Variants in GPR149 observed in about 807,000 individuals in gnomAD.
GPR149 encodes probable G protein-coupled receptor 149.
In GPR149, 50 loss-of-function variants were observed where a neutral mutation model predicts 50.2. The ratio of observed to expected loss-of-function variants is 1.00; its 90% CI spans 0.79 to 1.26. GPR149 has a LOEUF of 1.26. Ranked by LOEUF, GPR149 falls within the 50% of genes most tolerant of loss-of-function variation. The pLI is 0.00. For synonymous variants in GPR149, 405 were observed against 358.2 expected, an observed-to-expected ratio of 1.13 and a Z score of -1.48; for missense variants, 983 against 895.4, an observed-to-expected ratio of 1.10 and a Z score of -1.25.
chr3:154,381,520 C>T (rs1160639812), intron 3 of GPR149, among the ~76,000 whole-genome samples: 1 of 152,144 alleles, frequency 6.6e-6, no homozygotes, highest in East Asian at 1.9e-4. Context: ...CAAATTAATA[C>T]AGCTCTGTTA....
At chr3:154,358,855 G>C (rs1320726569) in intron 3 of GPR149, among the ~76,000 whole-genome samples, 5 of 152,110 alleles carry the variant, frequency 3.3e-5, no homozygotes, top group African/African-American at 1.2e-4. Flanking sequence ...CATGTCTTAT[G>C]TATTTGTGCA....
At chr3:154,365,212 G>T (rs1172859179) in intron 3 of GPR149, among the ~76,000 whole-genome samples, 2 of 152,178 alleles carry the variant, frequency 1.3e-5, no homozygotes, top group Admixed American at 1.3e-4. Flanking sequence ...GCTGGGAGCA[G>T]TTCACCAGAG....
intron 3 of GPR149, among the ~76,000 whole-genome samples, chr3:154,388,385 C>T (rs1053123193): frequency 1.3e-5 from 2 of 151,950 alleles, no homozygotes; most frequent in African/African-American, 2.4e-5. Context: ...TTTCCTTTTG[C>T]TTTTCCTAAG....
chr3:154,427,588 T>C lies in GPR149; in HGVS notation c.1102A>G (p.Thr368Ala). 6.2e-7 allele frequency: 1 copy of C among 1,614,174 alleles called. No homozygotes were observed. The highest frequency in any genetic ancestry group is 8.5e-7 in the Non-Finnish European group (1 of 1,180,022). ...TPVFVLSKRW[T>A]HLPCGCIINC... The stretch of plus-strand genomic sequence containing the variant: ...ATGATGCAGCCACAGGGCAAGTGGG[T>C]CCAGCGTTTGGACAAGACAAACACT... Residue 368 changes from threonine (T) to alanine (A), a missense_variant, in exon 2 of 4, where the codon ACC becomes GCC. Thr to Ala is a moderately conservative substitution (Grantham distance 58). Coordinates refer to ENST00000389740, the MANE Select transcript of GPR149 (RefSeq NM_001038705.3).
At chr3:154,420,894 A>G (rs1712121658) in intron 3 of GPR149, 145 bp downstream of exon 3, 1 of 635,138 alleles carries the variant, frequency 1.6e-6, no homozygotes, top group Non-Finnish European at 2.7e-6. Flanking sequence ...ACCTTGAAAT[A>G]AAATTAAATA....
rs544548280 is a variant in GPR149, at chr3:154,361,622, G to C, written c.1624-23351C>G. Among the ~76,000 whole-genome samples the C allele has an allele frequency of 3.5e-4, 54 of 152,202 alleles. 1 individual carries two copies. Among genetic ancestry groups the C allele is most frequent in the Middle Eastern group, 3.4e-3 (1 of 294 alleles). On this transcript the variant is annotated intron_variant, in intron 3 of 3. Coordinates refer to ENST00000389740, the MANE Select transcript of GPR149 (RefSeq NM_001038705.3). ...AAAGCTTTTGTTTTCAAAAATTTTG[G>C]ACCAGTACGGGGTGCTTTTTTTCTT...
intron 3 of GPR149, among the ~76,000 whole-genome samples, chr3:154,394,399 T>C (rs181585296): frequency 4.3e-4 from 65 of 151,984 alleles, no homozygotes; most frequent in Non-Finnish European, 7.5e-4. Context: ...CTCAAAATGG[T>C]TTAAGTGCTT....
intron 3 of GPR149, among the ~76,000 whole-genome samples, chr3:154,387,883 G>A (rs967471104): frequency 6.6e-6 from 1 of 152,028 alleles, no homozygotes; most frequent in Admixed American, 6.6e-5. Flanking sequence ...TACACGTCTT[G>A]TGAACCTCTA....
chr3:154,421,942 C>T (rs1417696152), intron 2 of GPR149, among the ~76,000 whole-genome samples: 1 of 151,418 alleles, frequency 6.6e-6, no homozygotes, highest in Non-Finnish European at 1.5e-5. Context: ...GCTAAGAATA[C>T]CACCAATAAA....
At position 154,400,049 on chromosome 3, in the gene GPR149, C is replaced by G. The variant is rs540090576; in HGVS notation, c.1623+20990G>C. ...TTGCCCAGGCTGGAGTGCGGTGGCGCGATCTCGGCTCACTGCAAGCTCCGC... is the reference window on the plus strand; with the variant it reads ...TTGCCCAGGCTGGAGTGCGGTGGCGGGATCTCGGCTCACTGCAAGCTCCGC... On this transcript the variant is annotated intron_variant, in intron 3 of 3. Transcript: ENST00000389740. Among the ~76,000 whole-genome samples, 9 of 152,232 alleles carry G rather than the reference C, an allele frequency of 5.9e-5. No homozygotes were observed. The Middle Eastern group carries it at 0.02, about 345-fold the overall frequency.
intron 3 of GPR149, among the ~76,000 whole-genome samples, chr3:154,420,316 A>T (rs1712101518): frequency 6.6e-6 from 1 of 151,984 alleles, no homozygotes; most frequent in South Asian, 2.1e-4. Flanking sequence ...GAAAGAAAAA[A>T]TCTCATATCA....
Position 154,342,553 on chromosome 3 carries a change from C to T in GPR149, c.1624-4282G>A, listed in dbSNP as rs374205333. ...CCTCTCAAGTAGCTGGGATTAAAGG[C>T]GTACCCCACCAGGACTGGCTCATTT... On this transcript the variant is annotated intron_variant, in intron 3 of 3. Coordinates refer to ENST00000389740, the MANE Select transcript of GPR149 (RefSeq NM_001038705.3). Among the ~76,000 whole-genome samples, 99 of 152,154 alleles carry T rather than the reference C, an allele frequency of 6.5e-4. 1 individual carries two copies. In the South Asian group the frequency reaches 0.014, roughly 21 times the overall value.
intron 3 of GPR149, among the ~76,000 whole-genome samples, chr3:154,386,652 C>G (rs961998994): frequency 2.6e-5 from 4 of 152,140 alleles, no homozygotes; most frequent in African/African-American, 9.7e-5. Flanking sequence ...TCACCTAGAA[C>G]CTGCCTTAGG....
rs184017120 is a variant in GPR149 at position 154,367,033 on chromosome 3, T to C, written c.1624-28762A>G. Among the ~76,000 whole-genome samples the C allele has an allele frequency of 6.3e-4, 96 of 152,256 alleles. 1 individual carries two copies. Among genetic ancestry groups the C allele is most frequent in the Admixed American group, 5.6e-3 (86 of 15,298 alleles). ...AGAACAGAAATGTATTGCTCACTGT[T>C]CTGGAGGCTGGAAAGTTCAAGATCA... is the stretch of plus-strand genomic sequence containing the variant. On this transcript the variant is annotated intron_variant, in intron 3 of 3. Transcript: ENST00000389740.
chr3:154,361,992 A>T (rs1011786877), intron 3 of GPR149, among the ~76,000 whole-genome samples: 16 of 152,190 alleles, frequency 1.1e-4, no homozygotes, highest in African/African-American at 2.9e-4. Context: ...ATTTGTGAAG[A>T]GTTCTCCAGA....
chr3:154,356,593 A>G (rs938777174), intron 3 of GPR149, among the ~76,000 whole-genome samples: 1 of 152,226 alleles, frequency 6.6e-6, no homozygotes, highest in African/African-American at 2.4e-5. Context: ...TGCTTCAAAG[A>G]GAATAAGATA....
chr3:154,420,255 C>A (rs925665543), intron 3 of GPR149, among the ~76,000 whole-genome samples: 8 of 151,678 alleles, frequency 5.3e-5, no homozygotes, highest in African/African-American at 1.9e-4. Context: ...CCTAGGAAAT[C>A]AATAGTGTGG....
At chr3:154,340,293 A>C (rs1713761241) in intron 3 of GPR149, among the ~76,000 whole-genome samples, 1 of 152,244 alleles carries the variant, frequency 6.6e-6, no homozygotes, top group African/African-American at 2.4e-5. Flanking sequence ...TGTTCAGTCC[A>C]GCCGTCTGCC....
rs1713656068 is a variant in GPR149 at position 154,336,294 on chromosome 3, A to G, written c.*1405T>C. On this transcript the variant is annotated 3_prime_UTR_variant, in exon 4 of 4. Coordinates refer to ENST00000389740, the MANE Select transcript of GPR149 (RefSeq NM_001038705.3). ...ATGAAACATTCTGAAAGCCGATGTC[A>G]AGTAATTTTGAATTCTAATTCAACC... The G allele has an allele frequency of 6.6e-6, 1 of 152,094 alleles. No individual in the cohort carries two copies. The highest frequency in any genetic ancestry group is 1.5e-5 in the Non-Finnish European group (1 of 67,942). The allele number at this position is 152,094 out of a possible 1,614,324, so 9.4% of individuals were successfully genotyped here.
Sources: gnomAD v4.1 joint callset for allele counts (sites outside exome capture counted in the v4.1 genomes callset) on GRCh38, gnomAD v4.1.1 for gene constraint, MANE v1.5 for transcripts, NCBI Gene and HGNC (gene_info 2026-07-23, HGNC 2026-07-21) for gene names.